Variants in CDH13 observed in about 807,000 individuals in gnomAD.
CDH13 encodes the protein cadherin-13.
Under a neutral mutation model 63.8 loss-of-function variants are expected in CDH13, and 24 were observed. That is an observed-to-expected ratio of 0.38 (90% CI 0.27 to 0.53). The LOEUF is 0.53. CDH13 is among the 20% of genes least tolerant of loss of function. The pLI, the probability that CDH13 is intolerant of heterozygous loss-of-function variation, is 0.85. For synonymous variants in CDH13, 503 were observed against 355.3 expected, an observed-to-expected ratio of 1.42 and a Z score of -4.67; for missense variants, 1,049 against 903.1, an observed-to-expected ratio of 1.16 and a Z score of -2.07.
chr16:83,658,142 G>A (rs1410635740), intron 8 of CDH13, among the ~76,000 whole-genome samples: 3 of 127,278 alleles, frequency 2.4e-5, no homozygotes, highest in African/African-American at 3.1e-5. Flanking sequence ...AAGGTCTCAT[G>A]TCCTCACCAC....
chr16:83,460,528 T>G (rs1216776170), intron 6 of CDH13, among the ~76,000 whole-genome samples: 1 of 152,142 alleles, frequency 6.6e-6, no homozygotes, highest in Non-Finnish European at 1.5e-5. Context: ...TCTGATGAAC[T>G]GCAGCAAGGA....
chr16:83,324,568 T>C (rs4782767), intron 5 of CDH13, among the ~76,000 whole-genome samples: 151,054 of 152,362 alleles, frequency 0.99, 74,888 homozygotes, highest in Middle Eastern at 1. Context: ...CATGTTGTAG[T>C]TGATGTCAGA....
At chr16:83,149,786 A>T (rs1418322720) in intron 4 of CDH13, among the ~76,000 whole-genome samples, 1 of 152,190 alleles carries the variant, frequency 6.6e-6, no homozygotes, top group Non-Finnish European at 1.5e-5. Context: ...AGCGGTACAT[A>T]TCTCTTCCAA....
intron 1 of CDH13, among the ~76,000 whole-genome samples, chr16:82,699,464 T>G (rs1327242767): frequency 6.6e-6 from 1 of 152,194 alleles, no homozygotes; most frequent in Non-Finnish European, 1.5e-5. Context: ...GCAAAGAAGG[T>G]GAGGCAGCCG....
At chr16:83,045,912 G>C (rs1189787581) in intron 3 of CDH13, among the ~76,000 whole-genome samples, 2 of 152,182 alleles carry the variant, frequency 1.3e-5, no homozygotes, top group Non-Finnish European at 2.9e-5. Flanking sequence ...TAGCCTATTT[G>C]GCCCTAGCCA....
chr16:83,655,207 C>A (rs1227901170), intron 8 of CDH13: 1 of 152,196 alleles, frequency 6.6e-6, no homozygotes, highest in Non-Finnish European at 1.5e-5. Flanking sequence ...TCTGTCTGAT[C>A]CTTCCAGCCT....
intron 2 of CDH13, among the ~76,000 whole-genome samples, chr16:82,871,937 G>A (rs1193000060): frequency 6.6e-6 from 1 of 152,114 alleles, no homozygotes; most frequent in East Asian, 1.9e-4. Flanking sequence ...AATATCTCAA[G>A]GCTGACCGTC....
At chr16:83,765,796 T>C (rs1914340671) in intron 11 of CDH13, among the ~76,000 whole-genome samples, 1 of 151,718 alleles carries the variant, frequency 6.6e-6, no homozygotes, top group Non-Finnish European at 1.5e-5. Flanking sequence ...TTTTTTTCTA[T>C]TTTTATCTTA....
intron 8 of CDH13, among the ~76,000 whole-genome samples, chr16:83,665,424 G>C (rs1006409328): frequency 6.6e-6 from 1 of 152,120 alleles, no homozygotes; most frequent in African/African-American, 2.4e-5. Context: ...ATTTATATCA[G>C]TCACAGTTGC....
chr16:82,791,132 G>A (rs907635153), intron 1 of CDH13, among the ~76,000 whole-genome samples: 1 of 152,010 alleles, frequency 6.6e-6, no homozygotes, highest in Non-Finnish European at 1.5e-5. Flanking sequence ...AGCTACTCGG[G>A]AGGCTGAGGC....
chr16:83,339,736 C>A (rs986202404), intron 5 of CDH13, among the ~76,000 whole-genome samples: 1 of 152,146 alleles, frequency 6.6e-6, no homozygotes, highest in Non-Finnish European at 1.5e-5. Flanking sequence ...TCCCCTCCAC[C>A]TCTCCCACCA....
At chr16:82,685,705 C>A (rs1914996816) in intron 1 of CDH13, among the ~76,000 whole-genome samples, 1 of 152,176 alleles carries the variant, frequency 6.6e-6, no homozygotes, top group Non-Finnish European at 1.5e-5. Context: ...AGGTGTTCAA[C>A]CCCGCCTGGC....
chr16:82,907,012 A>G (rs1278462020), intron 2 of CDH13, among the ~76,000 whole-genome samples: 1 of 152,186 alleles, frequency 6.6e-6, no homozygotes, highest in African/African-American at 2.4e-5. Flanking sequence ...CTGGATGAAC[A>G]TGGATTTTGG....
At chr16:83,614,941 A>C (rs916839378) in intron 8 of CDH13, among the ~76,000 whole-genome samples, 1 of 152,206 alleles carries the variant, frequency 6.6e-6, no homozygotes, top group South Asian at 2.1e-4. Flanking sequence ...GATATCGATA[A>C]GCAAGAAGGG....
intron 1 of CDH13, among the ~76,000 whole-genome samples, chr16:82,718,823 C>T (rs1248589557): frequency 2.0e-5 from 3 of 152,080 alleles, no homozygotes; most frequent in African/African-American, 4.8e-5. Flanking sequence ...TCCCAAAACA[C>T]GTGGGAATTA....
intron 3 of CDH13, among the ~76,000 whole-genome samples, chr16:83,113,479 C>G (rs1042286523): frequency 2.0e-5 from 3 of 152,222 alleles, no homozygotes; most frequent in Non-Finnish European, 4.4e-5. Flanking sequence ...CTATGCCTGT[C>G]TTGTGCTAGG....
chr16:83,622,215 G>C (rs185707521), intron 8 of CDH13, among the ~76,000 whole-genome samples: 2 of 152,268 alleles, frequency 1.3e-5, no homozygotes, highest in East Asian at 3.9e-4. Context: ...TGAGGAAACT[G>C]AGGCACAGAG....
In CDH13 at chr16:83,176,736, C is replaced by A. The variant is rs577327630; in HGVS notation, c.484-40609C>A. Among the ~76,000 whole-genome samples, 6 of 151,874 alleles carry A rather than the reference C, an allele frequency of 4.0e-5. No individual in the cohort carries two copies. In the South Asian group the frequency reaches 1.2e-3, roughly 32 times the overall value. ...GGTGGGTATATATTATTAAAGTTTG[C>A]GATAAAAGTCTTTAGTTGCTTGATG... On this transcript the variant is annotated intron_variant, in intron 4 of 13. Coordinates refer to ENST00000567109, the MANE Select transcript of CDH13 (RefSeq NM_001257.5).
intron 3 of CDH13, among the ~76,000 whole-genome samples, chr16:83,094,614 T>TCTCA (rs2034101965): frequency 6.6e-6 from 1 of 152,194 alleles, no homozygotes; most frequent in Non-Finnish European, 1.5e-5. Flanking sequence ...AGTTTATAGC[T>TCTCA]GTCAGCCTCC....
Sources: allele counts gnomAD v4.1 joint callset (sites outside exome capture counted in the v4.1 genomes callset), GRCh38; gene constraint gnomAD v4.1.1; transcripts MANE v1.5; gene names NCBI Gene and HGNC (gene_info 2026-07-23, HGNC 2026-07-21).